SMAD2: variants seen among roughly 807,000 people sequenced by gnomAD.
SMAD2 encodes the protein MAD homolog 2.
In SMAD2, 8 loss-of-function variants were observed where a neutral mutation model predicts 64.4. The observed-to-expected ratio is 0.12, with a 90% CI of 0.07 to 0.22. The LOEUF is 0.22. SMAD2 is among the 10% of genes least tolerant of loss of function. The pLI is 1.00. For missense variants in SMAD2, 289 were observed against 561.2 expected (o/e 0.51, Z 4.90); for synonymous variants, 203 against 195.8 (o/e 1.04, Z -0.31).
At chr18:47,918,562 C>T (rs1229770326) in intron 1 of SMAD2, among the ~76,000 whole-genome samples, 1 of 152,184 alleles carries the variant, frequency 6.6e-6, no homozygotes, top group African/African-American at 2.4e-5. Flanking sequence ...ATTACTTTAT[C>T]TGAGGAAAAA....
intron 2 of SMAD2, among the ~76,000 whole-genome samples, chr18:47,890,576 A>G (rs931212758): frequency 2.6e-5 from 4 of 152,222 alleles, no homozygotes; most frequent in African/African-American, 9.6e-5. Context: ...CCCAAAAGTC[A>G]TACTGTGAAA....
intron 1 of SMAD2, among the ~76,000 whole-genome samples, chr18:47,916,210 T>C (rs2034328268): frequency 6.6e-6 from 1 of 152,218 alleles, no homozygotes; most frequent in Non-Finnish European, 1.5e-5. Flanking sequence ...ATGCAGCCTA[T>C]ATCCCCTTCT....
chr18:47,894,884 T>C (rs1318994946), intron 2 of SMAD2, among the ~76,000 whole-genome samples: 4 of 152,180 alleles, frequency 2.6e-5, no homozygotes, highest in Non-Finnish European at 5.9e-5. Context: ...AAATATAGCT[T>C]GACTTCTCAG....
Position 47,845,849 on chromosome 18 carries a change from G to C in SMAD2, c.998-49C>G, listed in dbSNP as rs753202437. On this transcript the variant is annotated intron_variant, in intron 8 of 10. Coordinates refer to ENST00000262160, the MANE Select transcript of SMAD2 (RefSeq NM_005901.6). ...TAGTTTTGTAACATTTACTATTTCA[G>C]TGTGACTTTGGAAGCATTTTCTTGG... 3.2e-6 allele frequency: 5 copies of C among 1,551,586 alleles called. No homozygotes were observed. In the African/African-American group the frequency reaches 6.8e-5, roughly 21 times the overall value.
At chr18:47,845,841 C>A in intron 8 of SMAD2, 41 bp from the exon 9 acceptor site, 8 of 1,579,624 alleles carry the variant, frequency 5.1e-6, no homozygotes, top group Non-Finnish European at 7.0e-6. Flanking sequence ...GTAACATTTA[C>A]TATTTCAGTG....
At chr18:47,888,146 A>G (rs2033005609) in intron 2 of SMAD2, among the ~76,000 whole-genome samples, 1 of 152,206 alleles carries the variant, frequency 6.6e-6, no homozygotes, top group South Asian at 2.1e-4. Flanking sequence ...ACTCCAGGTA[A>G]AATATAAGCA....
chr18:47,847,055 T>C (rs1037211084), intron 8 of SMAD2, among the ~76,000 whole-genome samples: 1 of 151,950 alleles, frequency 6.6e-6, no homozygotes, highest in Non-Finnish European at 1.5e-5. Context: ...CCTATAAAAC[T>C]AGAAATAAAA....
chr18:47,843,233 A>T (rs1026504086), intron 10 of SMAD2, among the ~76,000 whole-genome samples: 33 of 152,318 alleles, frequency 2.2e-4, no homozygotes, highest in African/African-American at 7.5e-4. Flanking sequence ...AGGAAACAGA[A>T]ATTGACATTT....
chr18:47,912,296 C>T (rs903747885), intron 1 of SMAD2: 6 of 152,154 alleles, frequency 3.9e-5, no homozygotes, highest in African/African-American at 1.4e-4. Flanking sequence ...ATTCCAGTGA[C>T]AATTTGCATT....
intron 8 of SMAD2, among the ~76,000 whole-genome samples, chr18:47,848,123 A>AACAAG (rs200018419): frequency 0.017 from 2,595 of 152,272 alleles, 66 homozygotes; most frequent in African/African-American, 0.058. Flanking sequence ...AAAAAACAAA[A>AACAAG]ACAAAACAAA....
chr18:47,893,538 C>T (rs540884947), intron 2 of SMAD2, among the ~76,000 whole-genome samples: 1 of 152,296 alleles, frequency 6.6e-6, no homozygotes, highest in African/African-American at 2.4e-5. Flanking sequence ...AACGTGCTTA[C>T]AAATCCATTG....
rs1221711872 is a variant in SMAD2 at position 47,819,728 on chromosome 18, G to A, written c.*22099C>T. 8 of 151,140 alleles carry A rather than the reference G, an allele frequency of 5.3e-5. No individual in the cohort carries two copies. The highest frequency in any genetic ancestry group is 2.0e-4 in the East Asian group (1 of 5,122). The allele number at this position is 151,140 out of a possible 1,614,324, so 9.4% of individuals were successfully genotyped here. ...GGAGAATGGCATGAACCCAGAAGGC[G>A]GAGCTTGCAGTGAGCCGAGATCACG... On this transcript the variant is annotated 3_prime_UTR_variant, in exon 11 of 11. Transcript: ENST00000262160.
intron 1 of SMAD2, among the ~76,000 whole-genome samples, chr18:47,928,670 T>C (rs2034866144): frequency 6.6e-6 from 1 of 152,240 alleles, no homozygotes; most frequent in African/African-American, 2.4e-5. Flanking sequence ...TGACCACTTA[T>C]GACTAAGTAA....
chr18:47,850,624 ATATATATAT>A (rs1316252186), intron 7 of SMAD2, among the ~76,000 whole-genome samples: 1 of 28,370 alleles, frequency 3.5e-5, no homozygotes, highest in Non-Finnish European at 5.9e-5. Context: ...ATTATATATT[ATATATATAT>A]TATATATATT....
At chr18:47,929,955 C>A (rs1349461502) in intron 1 of SMAD2, among the ~76,000 whole-genome samples, 1 of 151,736 alleles carries the variant, frequency 6.6e-6, no homozygotes, top group Non-Finnish European at 1.5e-5. Flanking sequence ...ATGGAAAACC[C>A]GAGACTACCA....
At position 47,833,815 on chromosome 18, in the gene SMAD2, A is replaced by G. The variant is rs1913151122; in HGVS notation, c.*8012T>C. The G allele has an allele frequency of 4.3e-6, 1 of 230,886 alleles. No individual in the cohort carries two copies. The highest frequency in any genetic ancestry group is 5.6e-5 in the Admixed American group (1 of 17,702). 14.3% of individuals were successfully genotyped at this position (230,886 alleles called of 1,614,324 possible). A position where few individuals can be genotyped will look rare whatever the true frequency, so the allele number is the denominator to read the frequency against. On this transcript the variant is annotated 3_prime_UTR_variant, in exon 11 of 11. Transcript: ENST00000262160. ...AAATGCAGTAGACGCCAGAGCATCA[A>G]AGGCCATGTATTTCCTCACAAGAAA...
rs1195493640 is a variant in SMAD2 at position 47,868,462 on chromosome 18, A to G, written c.521-5T>C. 2 of 1,611,184 alleles carry G rather than the reference A, an allele frequency of 1.2e-6. No individual in the cohort carries two copies. The highest frequency in any genetic ancestry group is 1.3e-5 in the African/African-American group (1 of 74,742). On this transcript the variant is annotated splice_region_variant and splice_polypyrimidine_tract_variant and intron_variant, in intron 4 of 10. Coordinates refer to ENST00000262160, the MANE Select transcript of SMAD2 (RefSeq NM_005901.6). ...GCACTAATACTGGAGGCAAAACTGA[A>G]AAAGTTCAAGAAATCCAAGTTAATG... is the stretch of plus-strand genomic sequence containing the variant.
rs149606598 is a variant in SMAD2, at chr18:47,861,295, G to T, written c.730+3764C>A. 7.8e-3 allele frequency among the ~76,000 whole-genome samples: 1,191 copies of T among 152,204 alleles called. 18 individuals carry two copies. The highest frequency in any genetic ancestry group is 0.027 in the African/African-American group (1,139 of 41,500). On this transcript the variant is annotated intron_variant, in intron 6 of 10. Coordinates refer to ENST00000262160, the MANE Select transcript of SMAD2 (RefSeq NM_005901.6). ...GCTGAGATCATGCCATTGCACTCTA[G>T]CCTGGGCAACAAGAGTGAAACTCCT...
intron 1 of SMAD2, among the ~76,000 whole-genome samples, chr18:47,913,694 G>A (rs1000404899): frequency 2.4e-4 from 36 of 152,250 alleles, no homozygotes; most frequent in African/African-American, 6.7e-4. Context: ...TGTGTTCCAG[G>A]TTAAAAACAA....
Sources: allele counts gnomAD v4.1 joint callset (sites outside exome capture counted in the v4.1 genomes callset), GRCh38; gene constraint gnomAD v4.1.1; transcripts MANE v1.5; gene names NCBI Gene and HGNC (gene_info 2026-07-23, HGNC 2026-07-21).